ZHX1: variants seen among roughly 807,000 people sequenced by gnomAD.
ZHX1 encodes zinc fingers and homeoboxes 1, also known as zinc fingers and homeoboxes protein 1.
A neutral mutation model predicts 61.8 loss-of-function variants in ZHX1; 20 were observed. The ratio of observed to expected loss-of-function variants is 0.32; its 90% CI spans 0.23 to 0.47. The LOEUF is 0.47. ZHX1 is among the 20% of genes least tolerant of loss of function. The pLI is 1.00. For synonymous variants in ZHX1, 318 were observed against 352.6 expected, an observed-to-expected ratio of 0.90 and a Z score of 1.10; for missense variants, 800 against 1,034.8, an observed-to-expected ratio of 0.77 and a Z score of 3.11.
At chr8:123,256,613 A>T (rs1392429184) in intron 2 of ZHX1, among the ~76,000 whole-genome samples, 1 of 152,020 alleles carries the variant, frequency 6.6e-6, no homozygotes, top group Non-Finnish European at 1.5e-5. Context: ...AAAACACAAA[A>T]ATTAGCCAGG....
chr8:123,271,895 C>T (rs1186953418), intron 1 of ZHX1, among the ~76,000 whole-genome samples: 1 of 152,286 alleles, frequency 6.6e-6, no homozygotes, highest in Non-Finnish European at 1.5e-5. Flanking sequence ...GGAAAGAAAT[C>T]CACTAATGAG....
At position 123,255,760 on chromosome 8, in the gene ZHX1, T is replaced by C. The variant is rs765507040; in HGVS notation, c.187A>G (p.Asn63Asp). The change falls in exon 3 of 4, where the codon AAT becomes GAT. Residue 63 changes from asparagine to aspartate, a missense_variant. By Grantham distance (23) the Asn-to-Asp change is conservative (BLOSUM62 1). Coordinates refer to ENST00000395571, the MANE Select transcript of ZHX1 (RefSeq NM_007222.5). ...TCATATCCACCTTCAACTTTTTTAT[T>C]TTGCTGATTGTCTGAATCCACAGAT... ...HESVDSDNQQ[N>D]KKVEGGYECK... 2.3e-5 allele frequency: 37 copies of C among 1,613,930 alleles called. No homozygotes were observed. The highest frequency in any genetic ancestry group is 2.8e-5 in the Non-Finnish European group (33 of 1,180,016).
chr8:123,264,874 TACA>T (rs1826403609), intron 2 of ZHX1, among the ~76,000 whole-genome samples: 1 of 149,816 alleles, frequency 6.7e-6, no homozygotes, highest in Admixed American at 6.6e-5. Flanking sequence ...CTTTGTTTTT[TACA>T]ACAATTCTGG....
chr8:123,271,210 G>A (rs1203641968), intron 1 of ZHX1, among the ~76,000 whole-genome samples: 2 of 152,118 alleles, frequency 1.3e-5, no homozygotes, highest in African/African-American at 4.8e-5. Context: ...GATAGTATCA[G>A]TTTTAAAAAC....
At chr8:123,252,495 A>G (rs749289656) in intron 3 of ZHX1, 2 of 152,180 alleles carry the variant, frequency 1.3e-5, no homozygotes, top group Non-Finnish European at 2.9e-5. Flanking sequence ...ATCAAATACA[A>G]TGTTAGTGCT....
At position 123,254,764 on chromosome 8, in the gene ZHX1, C is replaced by T. The variant is rs114129661; in HGVS notation, c.1183G>A (p.Gly395Ser). The T allele has an allele frequency of 4.1e-4, 661 of 1,614,158 alleles. No individual in the cohort carries two copies. The African/African-American group carries it at 8.0e-3, about 20-fold the overall frequency. The change falls in exon 3 of 4, where the codon GGT (glycine) becomes AGT (serine). Residue 395 changes from glycine to serine, a missense_variant. Gly to Ser is a moderately conservative substitution (Grantham distance 56). Transcript: ENST00000395571. The surrounding 1 kb of genome is among the most constrained non-coding windows in gnomAD (Gnocchi z 4.1). ...LQTCQIVGQP[G>S]LVLTQVAGTN... ...CCAGCCACTTGAGTAAGGACCAGAC[C>T]AGGCTGACCAACTATTTGGCATGTC...
At chr8:123,256,912 A>G (rs1223576529) in intron 2 of ZHX1, 1 of 144,842 alleles carries the variant, frequency 6.9e-6, no homozygotes, top group Non-Finnish European at 1.5e-5. Context: ...TTTCAGAAAC[A>G]TTATTATTAT....
At chr8:123,267,680 T>C (rs1363872182) in intron 1 of ZHX1, among the ~76,000 whole-genome samples, 1 of 152,026 alleles carries the variant, frequency 6.6e-6, no homozygotes, top group Non-Finnish European at 1.5e-5. Flanking sequence ...GTGTGAAAAT[T>C]GAGATGCAGA....
intron 2 of ZHX1, among the ~76,000 whole-genome samples, chr8:123,262,640 T>C (rs1365843591): frequency 2.0e-5 from 3 of 152,206 alleles, no homozygotes; most frequent in Non-Finnish European, 4.4e-5. Flanking sequence ...CTATCCTGCC[T>C]AGCCTACAAA....
At chr8:123,270,017 T>C in intron 1 of ZHX1, among the ~76,000 whole-genome samples, 1 of 152,186 alleles carries the variant, frequency 6.6e-6, no homozygotes, top group East Asian at 1.9e-4. Context: ...AATAAATCAT[T>C]ACTGTATGAC....
intron 1 of ZHX1, among the ~76,000 whole-genome samples, chr8:123,270,503 G>A (rs761770054): frequency 2.0e-5 from 3 of 152,056 alleles, no homozygotes; most frequent in African/African-American, 7.2e-5. Flanking sequence ...TTATTTGGCT[G>A]AGTGCAGTGG....
chr8:123,275,005 A>G (rs1826800138), upstream of ZHX1, among the ~76,000 whole-genome samples: 1 of 151,164 alleles, frequency 6.6e-6, no homozygotes, highest in East Asian at 2.0e-4. Flanking sequence ...CTCGCTTCGG[A>G]CCCCGCTCCT....
chr8:123,263,079 A>G (rs918388553), intron 2 of ZHX1: 1 of 149,446 alleles, frequency 6.7e-6, no homozygotes, highest in Non-Finnish European at 1.5e-5. Flanking sequence ...AAGGAAGGAA[A>G]TATCAAAGTA....
At chr8:123,252,380 ATTAATCCAAT>A (rs1825942840) in intron 3 of ZHX1, 2 of 152,228 alleles carry the variant, frequency 1.3e-5, no homozygotes, top group African/African-American at 2.4e-5. Context: ...TTCAACTTTA[ATTAATCCAAT>A]TTATAAAAGA....
At chr8:123,265,005 A>G (rs1053939112) in intron 2 of ZHX1, among the ~76,000 whole-genome samples, 40 of 150,440 alleles carry the variant, frequency 2.7e-4, no homozygotes, top group African/African-American at 6.1e-4. Context: ...CCTGGCCAAC[A>G]TGGTGAAACC....
intron 2 of ZHX1, among the ~76,000 whole-genome samples, chr8:123,266,509 T>C (rs1265787172): frequency 1.3e-5 from 2 of 152,212 alleles, no homozygotes; most frequent in Non-Finnish European, 1.5e-5. Flanking sequence ...GTTTATCAAA[T>C]CTTTCCTAGT....
rs1434286456 is a variant in ZHX1 at position 123,253,587 on chromosome 8, T to C, written c.2360A>G (p.Asp787Gly). 1 of 1,614,224 alleles carries C rather than the reference T, an allele frequency of 6.2e-7. No individual in the cohort carries two copies. The highest frequency in any genetic ancestry group is 1.7e-5 in the Admixed American group (1 of 60,028). Residue 787 changes from aspartate to glycine, a missense_variant, in exon 3 of 4, where the codon GAT becomes GGT. Coordinates refer to ENST00000395571, the MANE Select transcript of ZHX1 (RefSeq NM_007222.5). Reference sequence around the variant, plus strand: ...AAGAAACTTGTGCTTCAGGTAATAATCCTTAAGTATTGCAGTTCCAGTTTT... The same window carrying C: ...AAGAAACTTGTGCTTCAGGTAATAACCCTTAAGTATTGCAGTTCCAGTTTT... ...KFKTGTAILK[D>G]YYLKHKFLNE...
chr8:123,254,148 C>G lies in ZHX1; in HGVS notation c.1799G>C (p.Arg600Thr), dbSNP rs753111689. ...SSVLTDEELN[R>T]LRAQTKLTRR... is the part of the protein sequence containing the mutation. ...GGTAAGTTTGGTTTGTGCCCTTAAC[C>G]TATTTAATTCTTCATCTGTAAGTAC... is the stretch of plus-strand genomic sequence containing the variant. The change falls in exon 3 of 4, where the codon AGG becomes ACG. Residue 600 changes from arginine to threonine, a missense_variant. By Grantham distance (71) the Arg-to-Thr change is moderately conservative. Transcript: ENST00000395571. This position sits in a 1 kb window ranked among gnomAD's most constrained non-coding sequence, Gnocchi z 4.1. 5.0e-6 allele frequency: 8 copies of G among 1,614,132 alleles called. No homozygotes were observed. In the Admixed American group the frequency reaches 1.2e-4, roughly 24 times the overall value.
At chr8:123,250,831 A>T (rs2131183336) in intron 3 of ZHX1, among the ~76,000 whole-genome samples, 1 of 152,338 alleles carries the variant, frequency 6.6e-6, no homozygotes, top group African/African-American at 2.4e-5. Flanking sequence ...GATGTTTCAG[A>T]AATTTAGACT....
Sources: allele counts gnomAD v4.1 joint callset (sites outside exome capture counted in the v4.1 genomes callset), GRCh38; gene constraint gnomAD v4.1.1; non-coding constraint Gnocchi (gnomAD v3.1); transcripts MANE v1.5; gene names NCBI Gene and HGNC (gene_info 2026-07-23, HGNC 2026-07-21).